Variants in IL1RAPL2 observed in about 807,000 individuals in gnomAD.
IL1RAPL2 encodes the protein X-linked interleukin-1 receptor accessory protein-like 2.
In IL1RAPL2, 3 loss-of-function variants were observed where a neutral mutation model predicts 44.1. The observed-to-expected ratio is 0.07, with a 90% CI of 0.03 to 0.18. The LOEUF is 0.18. Among genes scored for constraint, IL1RAPL2 ranks in the 10% least tolerant of loss-of-function variants. The probability of loss-of-function intolerance (pLI) is 1.00; values close to 1 mark genes in which losing one functional copy is unlikely to be tolerated. For missense variants in IL1RAPL2, 391 were observed against 496.4 expected, an observed-to-expected ratio of 0.79 and a Z score of 2.02; for synonymous variants, 181 against 178.8, an observed-to-expected ratio of 1.01 and a Z score of -0.10.
At chrX:104,863,005 C>G (rs1922532134) in intron 2 of IL1RAPL2, among the ~76,000 whole-genome samples, 1 of 111,446 alleles carries the variant, frequency 9.0e-6, no homozygotes, top group Non-Finnish European at 1.9e-5. Flanking sequence ...ATCATAGTGC[C>G]CCTCTTCTCT....
chrX:105,497,554 G>A (rs186187216), intron 6 of IL1RAPL2, among the ~76,000 whole-genome samples: 13 of 111,627 alleles, frequency 1.2e-4, no homozygotes, highest in Non-Finnish European at 2.3e-4. Flanking sequence ...GAAAATTGAC[G>A]AGGAGGGAAT....
chrX:105,131,161 A>G (rs2033022846), intron 2 of IL1RAPL2, among the ~76,000 whole-genome samples: 1 of 110,177 alleles, frequency 9.1e-6, no homozygotes. Flanking sequence ...GTGTTTTGAA[A>G]GCATATCCTT....
chrX:104,987,870 C>T (rs2030590021), intron 2 of IL1RAPL2, among the ~76,000 whole-genome samples: 1 of 111,668 alleles, frequency 9.0e-6, no homozygotes, highest in African/African-American at 3.3e-5. Flanking sequence ...GGTATGGTAG[C>T]ACAGCTCCCT....
chrX:104,779,193 T>TAGAAA (rs1932757151), intron 2 of IL1RAPL2, among the ~76,000 whole-genome samples: 1 of 112,347 alleles, frequency 8.9e-6, no homozygotes, highest in Admixed American at 9.4e-5. Flanking sequence ...AGAAATGTGT[T>TAGAAA]TTTTGACAGA....
intron 6 of IL1RAPL2, among the ~76,000 whole-genome samples, chrX:105,630,336 A>G (rs2037482785): frequency 1.8e-5 from 2 of 111,396 alleles, no homozygotes; most frequent in African/African-American, 6.5e-5. Flanking sequence ...TATATGTATT[A>G]CTTCAATTAT....
chrX:104,984,911 A>G (rs886965828), intron 2 of IL1RAPL2, among the ~76,000 whole-genome samples: 15 of 111,520 alleles, frequency 1.3e-4, no homozygotes, highest in African/African-American at 4.6e-4. Context: ...TACAACTGGT[A>G]TTTAAGAGAA....
intron 5 of IL1RAPL2, among the ~76,000 whole-genome samples, chrX:105,463,565 CT>C (rs1167596906): frequency 5.1e-5 from 2 of 39,067 alleles, no homozygotes; most frequent in African/African-American, 8.4e-5. Flanking sequence ...GTCTCTCTCT[CT>C]CTCCCACACA....
At chrX:105,548,263 T>C (rs1338714028) in intron 6 of IL1RAPL2, among the ~76,000 whole-genome samples, 1 of 109,726 alleles carries the variant, frequency 9.1e-6, no homozygotes. Context: ...TATATATATA[T>C]TGAAATTATA....
chrX:105,576,767 A>G (rs2037053180), intron 6 of IL1RAPL2, among the ~76,000 whole-genome samples: 1 of 111,767 alleles, frequency 8.9e-6, no homozygotes, highest in African/African-American at 3.3e-5. Context: ...ATATAAGCCA[A>G]CTATATGATT....
chrX:105,628,341 C>T (rs189972353), intron 6 of IL1RAPL2, among the ~76,000 whole-genome samples: 1,331 of 111,230 alleles, frequency 0.012, 13 homozygotes, highest in Non-Finnish European at 0.02. Flanking sequence ...TCCTTCCTAA[C>T]TTTTACAGTC....
rs983362582 is a variant in IL1RAPL2, at chrX:105,499,959, A to T, written c.772+15572A>T. On this transcript the variant is annotated intron_variant, in intron 6 of 10. Transcript: ENST00000372582. ...CCATCAGCAGATTAATGGATAAATA[A>T]AACGTGGTCTATACATACCATGGAA... 5.8e-4 allele frequency among the ~76,000 whole-genome samples: 65 copies of T among 112,443 alleles called. 1 individual carries two copies. The highest frequency in any genetic ancestry group is 1.0e-3 in the Admixed American group (11 of 10,644).
At chrX:105,549,709 C>T (rs933900926) in intron 6 of IL1RAPL2, among the ~76,000 whole-genome samples, 2 of 111,338 alleles carry the variant, frequency 1.8e-5, no homozygotes, top group Admixed American at 9.6e-5. Context: ...CTCCCACTAC[C>T]TTTCATAGGT....
chrX:105,594,319 T>C (rs905978429), intron 6 of IL1RAPL2, among the ~76,000 whole-genome samples: 2 of 112,195 alleles, frequency 1.8e-5, no homozygotes, highest in Non-Finnish European at 3.8e-5. Context: ...AACTTTTTGA[T>C]TTATGTATAT....
chrX:105,285,379 A>C (rs183631892), intron 5 of IL1RAPL2, among the ~76,000 whole-genome samples: 3 of 112,115 alleles, frequency 2.7e-5, no homozygotes, highest in African/African-American at 9.7e-5. Context: ...ATCCTGTCCT[A>C]TTAACCAAAT....
intron 2 of IL1RAPL2, among the ~76,000 whole-genome samples, chrX:104,909,628 T>C (rs1297803861): frequency 2.7e-5 from 3 of 111,849 alleles, no homozygotes; most frequent in African/African-American, 9.8e-5. Context: ...TGTGCTCCTG[T>C]TGGGGGGTGC....
intron 2 of IL1RAPL2, among the ~76,000 whole-genome samples, chrX:105,103,533 T>G: frequency 8.9e-6 from 1 of 111,980 alleles, no homozygotes; most frequent in Non-Finnish European, 1.9e-5. Flanking sequence ...GTCTGCCCAA[T>G]TTTCTCCTGC....
At chrX:105,115,332 C>T (rs183000678) in intron 2 of IL1RAPL2, among the ~76,000 whole-genome samples, 3 of 111,490 alleles carry the variant, frequency 2.7e-5, no homozygotes, top group East Asian at 2.8e-4. Context: ...GGACCAGAAC[C>T]GGTTGCCACT....
chrX:104,914,509 C>T (rs900674390), intron 2 of IL1RAPL2, among the ~76,000 whole-genome samples: 18 of 111,739 alleles, frequency 1.6e-4, no homozygotes, highest in African/African-American at 5.2e-4. Flanking sequence ...GAAAGATATT[C>T]TTCTATTGTT....
intron 2 of IL1RAPL2, among the ~76,000 whole-genome samples, chrX:105,052,095 C>T (rs988306595): frequency 8.9e-6 from 1 of 112,510 alleles, no homozygotes; most frequent in Non-Finnish European, 1.9e-5. Flanking sequence ...TTTTCTCATG[C>T]ATTCAAGTGC....
Sources: allele counts gnomAD v4.1 joint callset (sites outside exome capture counted in the v4.1 genomes callset), GRCh38; gene constraint gnomAD v4.1.1; transcripts MANE v1.5; gene names NCBI Gene and HGNC (gene_info 2026-07-23, HGNC 2026-07-21).